The following ARHGDIA variants were observed in gnomAD, a reference collection of about 807,000 sequenced individuals.
ARHGDIA encodes Rho GDP dissociation inhibitor alpha.
ARHGDIA carries 9 observed loss-of-function variants against 25.0 expected under a neutral mutation model. The observed-to-expected ratio is 0.36, with a 90% confidence interval of 0.22 to 0.63. ARHGDIA has a LOEUF of 0.63. ARHGDIA is among the 20% of genes least tolerant of loss of function. The probability of loss-of-function intolerance (pLI) is 0.69; values close to 1 mark genes in which losing one functional copy is unlikely to be tolerated. For missense variants in ARHGDIA, 239 were observed against 264.3 expected (o/e 0.90, Z 0.66); for synonymous variants, 166 against 111.5 (o/e 1.49, Z -3.08).
Position 81,868,744 on chromosome 17 carries a change from G to A in ARHGDIA, c.*132C>T, listed in dbSNP as rs751161946. 27 of 1,537,414 alleles carry A rather than the reference G, an allele frequency of 1.8e-5. No homozygotes were observed. The highest frequency in any genetic ancestry group is 2.2e-5 in the Non-Finnish European group (25 of 1,146,084). ...AGGCACTCGGTTGAGCCAGGCCAGG[G>A]AGGCGGACCAGGGTGGGAGGGGCAC... On this transcript the variant is annotated 3_prime_UTR_variant, in exon 6 of 6. Coordinates refer to ENST00000269321, the MANE Select transcript of ARHGDIA (RefSeq NM_004309.6).
chr17:81,868,293 A>G lies in ARHGDIA; in HGVS notation c.*583T>C. Reference sequence around the variant, plus strand: ...CACTGGGTTCGCCACCGGGGAAGGGACGGGGAGGCCACATGCTCATGCAGA... The same window carrying G: ...CACTGGGTTCGCCACCGGGGAAGGGGCGGGGAGGCCACATGCTCATGCAGA... On this transcript the variant is annotated 3_prime_UTR_variant, in exon 6 of 6. Coordinates refer to ENST00000269321, the MANE Select transcript of ARHGDIA (RefSeq NM_004309.6). The G allele has an allele frequency of 7.4e-7, 1 of 1,356,712 alleles. No individual in the cohort carries two copies. Among genetic ancestry groups the G allele is most frequent in the Non-Finnish European group, 9.6e-7 (1 of 1,040,800 alleles). 84.0% of individuals were successfully genotyped at this position (1,356,712 alleles called of 1,614,324 possible). A position where few individuals can be genotyped will look rare whatever the true frequency, so the allele number is the denominator to read the frequency against.
Position 81,869,867 on chromosome 17 carries a change from C to G in ARHGDIA, c.64G>C (p.Glu22Gln). ...AQIAAENEED[E>Q]HSVNYKPPAQ... ...GGGGGCTTGTAGTTGACCGAGTGCT[C>G]ATCCTCCTCGTTCTCCGCTGCAATC... The change falls in exon 2 of 6, where the codon GAG becomes CAG. Residue 22 changes from glutamate to glutamine, a missense_variant. By Grantham distance (29) the Glu-to-Gln change is conservative. Around this residue, in one of 3 missense-constraint regions of ARHGDIA, gnomAD observed 135 missense variants for 119.8 expected, o/e 1.13. Coordinates refer to ENST00000269321, the MANE Select transcript of ARHGDIA (RefSeq NM_004309.6). 1 of 1,614,098 alleles carries G rather than the reference C, an allele frequency of 6.2e-7. No individual in the cohort carries two copies. Among genetic ancestry groups the G allele is most frequent in the Non-Finnish European group, 8.5e-7 (1 of 1,180,022 alleles).
Position 81,867,817 on chromosome 17 carries a change from G to C in ARHGDIA, c.*1059C>G, listed in dbSNP as rs1048944838. On this transcript the variant is annotated 3_prime_UTR_variant, in exon 6 of 6. Transcript: ENST00000269321. The stretch of plus-strand genomic sequence containing the variant: ...ACAACACGAAGACCGGGGATGGGGC[G>C]GGGGAGGCACAGGAGACGGCTCTCA... The C allele has an allele frequency of 6.5e-6, 1 of 152,968 alleles. No homozygotes were observed. The highest frequency in any genetic ancestry group is 2.4e-5 in the African/African-American group (1 of 41,476). The allele number at this position is 152,968 out of a possible 1,614,324, so 9.5% of individuals were successfully genotyped here.
At chr17:81,870,005 G>C in intron 1 of ARHGDIA, 48 bp from the exon 2 acceptor site, 1 of 1,561,084 alleles carries the variant, frequency 6.4e-7, no homozygotes, top group Non-Finnish European at 8.7e-7. Flanking sequence ...CCCAACGGAG[G>C]CGCACTTCTG....
At position 81,868,822 on chromosome 17, in the gene ARHGDIA, ATCCGCCTG is replaced by A; in HGVS notation, c.*46_*53del. On this transcript the variant is annotated 3_prime_UTR_variant, in exon 6 of 6. Transcript: ENST00000269321. ...GGAGGGGAGGGGCTGGGGGGGACAC[ATCCGCCTG>A]TCCGTCGTCCGTCCGTCAGTCTGCC... The A allele has an allele frequency of 1.9e-6, 3 of 1,610,778 alleles. No homozygotes were observed. Among genetic ancestry groups the A allele is most frequent in the South Asian group, 1.1e-5 (1 of 90,526 alleles).
intron 1 of ARHGDIA, chr17:81,870,324 C>A (rs2039252070): frequency 4.7e-6 from 1 of 213,256 alleles, no homozygotes; most frequent in South Asian, 8.1e-5. Context: ...CTTGAGCTGC[C>A]CAGGCCCTCG....
Position 81,868,685 on chromosome 17 carries a change from C to T in ARHGDIA, c.*191G>A. 6.5e-7 allele frequency: 1 copy of T among 1,534,046 alleles called. No homozygotes were observed. The highest frequency in any genetic ancestry group is 8.7e-7 in the Non-Finnish European group (1 of 1,146,538). ...AGACAGGAGACCGAGGAGGCTGGGCCTGTGGGTGGGGGAGGGCTGAGGAGG... is the reference window on the plus strand; with the variant it reads ...AGACAGGAGACCGAGGAGGCTGGGCTTGTGGGTGGGGGAGGGCTGAGGAGG... On this transcript the variant is annotated 3_prime_UTR_variant, in exon 6 of 6. Coordinates refer to ENST00000269321, the MANE Select transcript of ARHGDIA (RefSeq NM_004309.6).
rs752292660 is a variant in ARHGDIA at position 81,868,540 on chromosome 17, G to T, written c.*336C>A. ...ACGGGGCCTGGAGAATGGCTGCTCC[G>T]CTCCCTCCTGAAGCCAGGCCTCGGG... On this transcript the variant is annotated 3_prime_UTR_variant, in exon 6 of 6. Transcript: ENST00000269321. The T allele has an allele frequency of 1.3e-6, 2 of 1,533,206 alleles. No individual in the cohort carries two copies. The highest frequency in any genetic ancestry group is 2.4e-5 in the East Asian group (1 of 40,864). The allele number at this position is 1,533,206 out of a possible 1,614,324, so 95.0% of individuals were successfully genotyped here. A position where few individuals can be genotyped will look rare whatever the true frequency, so the allele number is the denominator to read the frequency against.
chr17:81,869,237 C>G lies in ARHGDIA; in HGVS notation c.352-1G>C. The G allele has an allele frequency of 6.2e-7, 1 of 1,614,136 alleles. No individual in the cohort carries two copies. Among genetic ancestry groups the G allele is most frequent in the Non-Finnish European group, 8.5e-7 (1 of 1,180,006 alleles). On this transcript the variant is annotated splice_acceptor_variant, in intron 4 of 5. Transcript: ENST00000269321. LOFTEE classifies it high-confidence loss of function. ...TGCCGGACACTATCTCTCGGTTAAC[C>G]TGCAGGACCCGAAGCGAGGATCAGG...
In ARHGDIA at chr17:81,869,253, G is replaced by T; in HGVS notation, c.352-17C>A. On this transcript the variant is annotated splice_polypyrimidine_tract_variant and intron_variant, in intron 4 of 5. Transcript: ENST00000269321. The stretch of plus-strand genomic sequence containing the variant: ...TCGGTTAACCTGCAGGACCCGAAGC[G>T]AGGATCAGGGAAGGTCGGTCCGGAC... The T allele has an allele frequency of 6.2e-7, 1 of 1,614,120 alleles. No individual in the cohort carries two copies. Among genetic ancestry groups the T allele is most frequent in the Non-Finnish European group, 8.5e-7 (1 of 1,179,996 alleles).
Position 81,869,893 on chromosome 17 carries a change from T to C in ARHGDIA, c.38A>G (p.Gln13Arg), listed in dbSNP as rs1204802296. ...ATCCTCCTCGTTCTCCGCTGCAATC[T>C]GGGCCAGCTGCTCGGCTGTGGGCTC... ...EQEPTAEQLA[Q>R]IAAENEEDEH... Residue 13 changes from glutamine (Q) to arginine (R), a missense_variant, in exon 2 of 6, where the codon CAG becomes CGG. Gln to Arg is a conservative substitution (Grantham distance 43). Transcript: ENST00000269321. 6.2e-7 allele frequency: 1 copy of C among 1,613,832 alleles called. No homozygotes were observed. Among genetic ancestry groups the C allele is most frequent in the African/African-American group, 1.3e-5 (1 of 74,954 alleles).
intron 5 of ARHGDIA, 21 bp downstream of exon 5, chr17:81,869,152 C>A (rs1293954011): frequency 3.7e-6 from 6 of 1,613,732 alleles, no homozygotes; most frequent in Non-Finnish European, 5.1e-6. Context: ...CCCCCTCTGC[C>A]CTGCCCGGGG....
chr17:81,869,504 AG>A (rs753842528), intron 3 of ARHGDIA, 37 bp downstream of exon 3: 2 of 1,607,888 alleles, frequency 1.2e-6, no homozygotes, highest in Non-Finnish European at 1.7e-6. Flanking sequence ...GATCCCCACC[AG>A]GGGCCGCCCG....
Position 81,868,967 on chromosome 17 carries a change from T to C in ARHGDIA, c.524A>G (p.Tyr175Cys). The C allele has an allele frequency of 6.2e-7, 1 of 1,613,776 alleles. No individual in the cohort carries two copies. Among genetic ancestry groups the C allele is most frequent in the Non-Finnish European group, 8.5e-7 (1 of 1,179,980 alleles). ...APKGMLARGS[Y>C]SIKSRFTDDD... ...GTCTGTGAAGCGGGACTTGATGCTGTAGCTGCCCCGGGCCAGCATACCCTT... is the reference window on the plus strand; with the variant it reads ...GTCTGTGAAGCGGGACTTGATGCTGCAGCTGCCCCGGGCCAGCATACCCTT... The change falls in exon 6 of 6, where the codon TAC becomes TGC. Residue 175 changes from tyrosine (Y) to cysteine (C), a missense_variant. Transcript: ENST00000269321.
Position 81,868,634 on chromosome 17 carries a change from C to A in ARHGDIA, c.*242G>T, listed in dbSNP as rs1228767954. 6.5e-7 allele frequency: 1 copy of A among 1,535,394 alleles called. No individual in the cohort carries two copies. ...GAGGCCTGGCTGCGGCCTCTCTCCC[C>A]CACAGCACAGGCAGAAGCAGCAACG... On this transcript the variant is annotated 3_prime_UTR_variant, in exon 6 of 6. Coordinates refer to ENST00000269321, the MANE Select transcript of ARHGDIA (RefSeq NM_004309.6).
In ARHGDIA at chr17:81,869,765, G is replaced by A. The variant is rs757464226; in HGVS notation, c.166C>T (p.Leu56=). 5.6e-6 allele frequency: 9 copies of A among 1,613,542 alleles called. No individual in the cohort carries two copies. The South Asian group carries it at 7.7e-5, about 14-fold the overall frequency. The change falls in exon 2 of 6, where the codon CTG becomes TTG. Residue 56 remains leucine, a synonymous_variant. Coordinates refer to ENST00000269321, the MANE Select transcript of ARHGDIA (RefSeq NM_004309.6). ...ESLRKYKEAL[L]GRVAVSADPN... ...CCTGCGGAAACGGCCACGCGGCCCA[G>A]CAGGGCCTCCTTGTACTTTCGCAGG...
At position 81,868,242 on chromosome 17, in the gene ARHGDIA, G is replaced by A; in HGVS notation, c.*634C>T. ...GGCACTGGTGGGCTGGGGAGCAGCA[G>A]CAGCACACCCCACGTGTCCCTGGGT... is the stretch of plus-strand genomic sequence containing the variant. On this transcript the variant is annotated 3_prime_UTR_variant, in exon 6 of 6. Coordinates refer to ENST00000269321, the MANE Select transcript of ARHGDIA (RefSeq NM_004309.6). The A allele has an allele frequency of 2.1e-6, 2 of 950,494 alleles. No individual in the cohort carries two copies. Among genetic ancestry groups the A allele is most frequent in the Non-Finnish European group, 3.0e-6 (2 of 673,950 alleles). 58.9% of individuals were successfully genotyped at this position (950,494 alleles called of 1,614,324 possible).
In ARHGDIA at chr17:81,869,394, C is replaced by A. The variant is rs762117986; in HGVS notation, c.287G>T (p.Ser96Ile). The stretch of plus-strand genomic sequence containing the variant: ...CAGCACAAACGACTGCTTCTTGAAG[C>A]TCTCCAGGTCGCCTGTTGGGGGGAC... ...LELDLTGDLE[S>I]FKKQSFVLKE... The change falls in exon 4 of 6, where the codon AGC becomes ATC. Residue 96 changes from serine to isoleucine, a missense_variant. Transcript: ENST00000269321. The A allele has an allele frequency of 6.2e-7, 1 of 1,613,838 alleles. No individual in the cohort carries two copies. Among genetic ancestry groups the A allele is most frequent in the African/African-American group, 1.3e-5 (1 of 74,912 alleles).
chr17:81,868,752 C>G lies in ARHGDIA; in HGVS notation c.*124G>C. The G allele has an allele frequency of 6.5e-7, 1 of 1,539,050 alleles. No individual in the cohort carries two copies. Among genetic ancestry groups the G allele is most frequent in the Non-Finnish European group, 8.7e-7 (1 of 1,146,240 alleles). ...GGTTGAGCCAGGCCAGGGAGGCGGA[C>G]CAGGGTGGGAGGGGCACGGAGGGCC... is the stretch of plus-strand genomic sequence containing the variant. On this transcript the variant is annotated 3_prime_UTR_variant, in exon 6 of 6. Transcript: ENST00000269321.
Sources: gnomAD v4.1 joint callset for allele counts on GRCh38, gnomAD v4.1.1 for gene constraint, gnomAD v4.1.1 regional missense constraint, MANE v1.5 for transcripts, NCBI Gene and HGNC (gene_info 2026-07-23, HGNC 2026-07-21) for gene names.